The following EPYC variants were observed in gnomAD, a reference collection of about 807,000 sequenced individuals.
EPYC encodes the protein epiphycan.
EPYC carries 28 observed loss-of-function variants against 30.1 expected under a neutral mutation model. The ratio of observed to expected loss-of-function variants is 0.93; its 90% CI spans 0.69 to 1.28. EPYC has a LOEUF of 1.28. Among genes scored for constraint, EPYC ranks in the 50% most tolerant of loss-of-function variants. The pLI, the probability that EPYC is intolerant of heterozygous loss-of-function variation, is 0.00. For missense variants in EPYC, 382 were observed against 383.5 expected (o/e 1.00, Z 0.03); for synonymous variants, 144 against 141.4 (o/e 1.02, Z -0.13).
At chr12:90,968,296 T>A (rs1876950968) in intron 6 of EPYC, among the ~76,000 whole-genome samples, 2 of 152,342 alleles carry the variant, frequency 1.3e-5, no homozygotes, top group African/African-American at 4.8e-5. Flanking sequence ...TTAAATGCTT[T>A]ATAAACATTG....
intron 2 of EPYC, among the ~76,000 whole-genome samples, chr12:90,996,938 A>G (rs899116409): frequency 6.6e-6 from 1 of 152,072 alleles, no homozygotes; most frequent in Non-Finnish European, 1.5e-5. Flanking sequence ...GTGACAAGAA[A>G]ATAAAGGTAG....
At chr12:90,969,210 C>G (rs947139979) in intron 6 of EPYC, among the ~76,000 whole-genome samples, 12 of 151,728 alleles carry the variant, frequency 7.9e-5, no homozygotes, top group Admixed American at 2.0e-4. Flanking sequence ...CATTTTCTGC[C>G]ATAAAAGATA....
In EPYC at chr12:90,972,878, A is replaced by T; in HGVS notation, c.443T>A (p.Phe148Tyr). ...TTTAATTCTGTTAAAGCGGGAATAG[A>T]AATAAGCGGTGTTCTTTGGCAGCGG... ...IPPLPKNTAY[F>Y]YSRFNRIKKI... The change falls in exon 4 of 7, where the codon TTC becomes TAC. Residue 148 changes from phenylalanine (F) to tyrosine (Y), a missense_variant. Physicochemically the swap from Phe to Tyr is conservative, Grantham distance 22 (BLOSUM62 3). Transcript: ENST00000261172. 2.5e-6 allele frequency: 4 copies of T among 1,613,836 alleles called. No homozygotes were observed. The highest frequency in any genetic ancestry group is 3.4e-6 in the Non-Finnish European group (4 of 1,179,780).
In EPYC at chr12:90,972,942, T is replaced by A. The variant is rs778902385; in HGVS notation, c.379A>T (p.Thr127Ser). Residue 127 changes from threonine (T) to serine (S), a missense_variant, in exon 4 of 7, where the codon ACC (threonine) becomes TCC (serine). By Grantham distance (58) the Thr-to-Ser change is moderately conservative. Coordinates refer to ENST00000261172, the MANE Select transcript of EPYC (RefSeq NM_004950.5). ...AGTTCATGGTCATCACAGTACACGG[T>A]GGTACTTATACAAGTACACAAAAGA... The part of the protein sequence containing the change: ...TCLLCTCIST[T>S]VYCDDHELDA... The A allele has an allele frequency of 6.2e-7, 1 of 1,610,608 alleles. No homozygotes were observed. The highest frequency in any genetic ancestry group is 8.5e-7 in the Non-Finnish European group (1 of 1,177,644).
At chr12:90,990,962 T>C (rs1877570544) in intron 2 of EPYC, among the ~76,000 whole-genome samples, 1 of 152,144 alleles carries the variant, frequency 6.6e-6, no homozygotes, top group Admixed American at 6.6e-5. Flanking sequence ...GTAGTTATCG[T>C]AGAATAAACT....
intron 2 of EPYC, among the ~76,000 whole-genome samples, chr12:90,993,219 C>A (rs768744296): frequency 1.1e-4 from 17 of 152,104 alleles, no homozygotes; most frequent in Non-Finnish European, 2.5e-4. Context: ...GCATACATTT[C>A]ATTTTGCCCC....
intron 2 of EPYC, among the ~76,000 whole-genome samples, chr12:90,996,773 G>T (rs1215821107): frequency 6.6e-6 from 1 of 152,004 alleles, no homozygotes; most frequent in Non-Finnish European, 1.5e-5. Flanking sequence ...TCTCATGCAA[G>T]AAATTTTCTA....
At chr12:90,975,531 AC>A (rs1877159681) in intron 3 of EPYC, among the ~76,000 whole-genome samples, 1 of 152,064 alleles carries the variant, frequency 6.6e-6, no homozygotes, top group Non-Finnish European at 1.5e-5. Flanking sequence ...TCCTCAGAGT[AC>A]TTTAGAAACA....
At chr12:90,988,531 T>G (rs1745478394) in intron 2 of EPYC, among the ~76,000 whole-genome samples, 2 of 152,120 alleles carry the variant, frequency 1.3e-5, no homozygotes, top group Admixed American at 6.6e-5. Flanking sequence ...CTAGATGAAA[T>G]GTTCTCCAAT....
At chr12:90,999,751 T>C (rs1261311381) in intron 2 of EPYC, among the ~76,000 whole-genome samples, 2 of 152,104 alleles carry the variant, frequency 1.3e-5, no homozygotes, top group Non-Finnish European at 2.9e-5. Context: ...TCTATTCACA[T>C]GACTGGATCT....
At chr12:90,973,677 G>T (rs1877109449) in intron 3 of EPYC, among the ~76,000 whole-genome samples, 1 of 152,138 alleles carries the variant, frequency 6.6e-6, no homozygotes, top group African/African-American at 2.4e-5. Flanking sequence ...GGTATGCCAG[G>T]CAGAGGAAGC....
At chr12:90,988,439 T>A (rs1056549265) in intron 2 of EPYC, among the ~76,000 whole-genome samples, 1 of 152,090 alleles carries the variant, frequency 6.6e-6, no homozygotes, top group Non-Finnish European at 1.5e-5. Flanking sequence ...AATATTAAAT[T>A]TGTTGAAAAT....
rs534273987 is a variant in EPYC, at chr12:90,977,446, T to C, written c.340+642A>G. On this transcript the variant is annotated intron_variant, in intron 3 of 6. Coordinates refer to ENST00000261172, the MANE Select transcript of EPYC (RefSeq NM_004950.5). Reference sequence around the variant, plus strand: ...AATATTTTCCTCTCTCTGTTGCTTCTTAGGATTGAGTGAGAAGAAGCCTGT... The same window carrying C: ...AATATTTTCCTCTCTCTGTTGCTTCCTAGGATTGAGTGAGAAGAAGCCTGT... Among the ~76,000 whole-genome samples the C allele has an allele frequency of 5.9e-5, 9 of 152,294 alleles. No homozygotes were observed. In the South Asian group the frequency reaches 1.9e-3, roughly 32 times the overall value.
At chr12:90,977,169 T>C (rs1877206778) in intron 3 of EPYC, among the ~76,000 whole-genome samples, 3 of 152,130 alleles carry the variant, frequency 2.0e-5, no homozygotes, top group Admixed American at 2.0e-4. Flanking sequence ...ACAGAGACAC[T>C]CTACATTCAC....
intron 2 of EPYC, among the ~76,000 whole-genome samples, chr12:90,992,130 G>A (rs1877599851): frequency 6.6e-6 from 1 of 152,140 alleles, no homozygotes; most frequent in Non-Finnish European, 1.5e-5. Flanking sequence ...CAGATCATCA[G>A]GCATTAGATT....
rs1396554084 is a variant in EPYC, at chr12:90,978,098, G to T, written c.330C>A (p.His110Gln). 6.4e-7 allele frequency: 1 copy of T among 1,568,056 alleles called. No individual in the cohort carries two copies. The highest frequency in any genetic ancestry group is 1.4e-5 in the African/African-American group (1 of 71,420). The part of the protein sequence containing the change: ...EPEFTGVLGP[H>Q]TNEDFPTCLL... ...TTTGAGGTACCTGACCTTCATTTGT[G>T]TGTGGCCCCAGAACCCCTGTGAATT... Residue 110 changes from histidine to glutamine, a missense_variant, in exon 3 of 7, where the codon CAC becomes CAA. His to Gln is a conservative substitution (Grantham distance 24, BLOSUM62 0). Transcript: ENST00000261172.
chr12:90,980,208 C>A (rs1252731830), intron 2 of EPYC, among the ~76,000 whole-genome samples: 2 of 152,138 alleles, frequency 1.3e-5, no homozygotes, highest in Non-Finnish European at 2.9e-5. Context: ...TGCCTTGAAT[C>A]TTAGCTTTAT....
chr12:90,979,176 T>C (rs971169489), intron 2 of EPYC, among the ~76,000 whole-genome samples: 2 of 152,148 alleles, frequency 1.3e-5, no homozygotes, highest in South Asian at 4.1e-4. Flanking sequence ...TGGTACTTAG[T>C]AAATGTCTAC....
intron 2 of EPYC, among the ~76,000 whole-genome samples, chr12:91,000,982 T>C (rs577585499): frequency 6.6e-6 from 1 of 152,026 alleles, no homozygotes; most frequent in Admixed American, 6.6e-5. Context: ...ACAGAATCCA[T>C]ACAGTGAAAT....
Sources: gnomAD v4.1 joint callset for allele counts (sites outside exome capture counted in the v4.1 genomes callset) on GRCh38, gnomAD v4.1.1 for gene constraint, MANE v1.5 for transcripts, NCBI Gene and HGNC (gene_info 2026-07-23, HGNC 2026-07-21) for gene names.